The following ADRA1A variants were observed in gnomAD, a reference collection of about 807,000 sequenced individuals.
ADRA1A encodes the protein adrenoceptor alpha 1A.
A neutral mutation model predicts 29.6 loss-of-function variants in ADRA1A; 31 were observed. The observed-to-expected ratio is 1.05, with a 90% CI of 0.79 to 1.41. The LOEUF (loss-of-function observed/expected upper bound fraction) is 1.41. Among genes scored for constraint, ADRA1A ranks in the 40% most tolerant of loss-of-function variants. The pLI, the probability that ADRA1A is intolerant of heterozygous loss-of-function variation, is 0.00. For missense variants in ADRA1A, 619 were observed against 601.1 expected (o/e 1.03, Z -0.31); for synonymous variants, 311 against 254.3 (o/e 1.22, Z -2.12).
chr8:26,816,640 C>G (rs536482892), intron 2 of ADRA1A, among the ~76,000 whole-genome samples: 4 of 152,174 alleles, frequency 2.6e-5, no homozygotes, highest in Admixed American at 2.6e-4. Context: ...GGCACCCAGA[C>G]CAGAGCACCT....
At chr8:26,847,577 C>T (rs933981102) in intron 2 of ADRA1A, among the ~76,000 whole-genome samples, 3 of 152,144 alleles carry the variant, frequency 2.0e-5, no homozygotes, top group Admixed American at 1.3e-4. Context: ...TCACTGGCAA[C>T]GAATGCCCTG....
At chr8:26,856,837 G>T (rs1187183267) in intron 2 of ADRA1A, among the ~76,000 whole-genome samples, 1 of 152,210 alleles carries the variant, frequency 6.6e-6, no homozygotes, top group Non-Finnish European at 1.5e-5. Context: ...TTAGAAGCCT[G>T]CAGGGAGGCA....
At chr8:26,812,828 C>A (rs1809498526) in intron 2 of ADRA1A, among the ~76,000 whole-genome samples, 1 of 151,514 alleles carries the variant, frequency 6.6e-6, no homozygotes, top group Admixed American at 6.6e-5. Context: ...CCACGCCAGG[C>A]TAATTTTTCT....
At position 26,823,154 on chromosome 8, in the gene ADRA1A, A is replaced by G. The variant is rs1164384822; in HGVS notation, c.883+40933T>C. Among the ~76,000 whole-genome samples the G allele has an allele frequency of 6.6e-6, 1 of 152,220 alleles. No homozygotes were observed. Among genetic ancestry groups the G allele is most frequent in the Admixed American group, 6.5e-5 (1 of 15,282 alleles). On this transcript the variant is annotated intron_variant, in intron 2 of 2. Transcript: ENST00000380573. The surrounding 1 kb of genome is among the most constrained non-coding windows in gnomAD (Gnocchi z 4.2). ...CATTAACAGAAGAACAAACACCAGCAAGAAATGAACAAAAAATGGGGGAGG... is the reference window on the plus strand; with the variant it reads ...CATTAACAGAAGAACAAACACCAGCGAGAAATGAACAAAAAATGGGGGAGG...
At chr8:26,838,788 C>T (rs1223291085) in intron 2 of ADRA1A, among the ~76,000 whole-genome samples, 1 of 152,172 alleles carries the variant, frequency 6.6e-6, no homozygotes, top group Admixed American at 6.5e-5. Context: ...TAGCTTTGGC[C>T]TTAGATGTGG....
At chr8:26,837,043 G>A (rs567108125) in intron 2 of ADRA1A, among the ~76,000 whole-genome samples, 22 of 152,122 alleles carry the variant, frequency 1.4e-4, no homozygotes, top group African/African-American at 5.3e-4. Context: ...TGGGTAATGG[G>A]CCCTCACCTC....
intron 2 of ADRA1A, among the ~76,000 whole-genome samples, chr8:26,780,982 T>C (rs991244724): frequency 6.6e-6 from 1 of 152,188 alleles, no homozygotes; most frequent in Non-Finnish European, 1.5e-5. Context: ...AATTATTTCA[T>C]TATATATTAC....
chr8:26,757,859 G>GCGCGCACACA (rs1805276135), intron 2 of ADRA1A, among the ~76,000 whole-genome samples: 1 of 151,294 alleles, frequency 6.6e-6, no homozygotes, highest in South Asian at 2.1e-4. Context: ...ATAAGCACAC[G>GCGCGCACACA]CACACACACA....
rs191148604 is a variant in ADRA1A at position 26,859,080 on chromosome 8, A to T, written c.883+5007T>A. The T allele has an allele frequency of 3.8e-3, 4,824 of 1,284,128 alleles. 17 individuals are homozygous for T. Among genetic ancestry groups the T allele is most frequent in the Non-Finnish European group, 4.4e-3 (4,352 of 987,348 alleles). 79.5% of individuals were successfully genotyped at this position (1,284,128 alleles called of 1,614,324 possible). ...ATTAAACATGGGTGTTTCACTTCTCAGCTGTGGATAGCACACTCATCCCTG... is the reference window on the plus strand; with the variant it reads ...ATTAAACATGGGTGTTTCACTTCTCTGCTGTGGATAGCACACTCATCCCTG... On this transcript the variant is annotated intron_variant, in intron 2 of 2. Coordinates refer to ENST00000380573, the MANE Select transcript of ADRA1A (RefSeq NM_000680.4).
intron 2 of ADRA1A, among the ~76,000 whole-genome samples, chr8:26,760,122 G>T (rs141981181): frequency 2.0e-5 from 3 of 152,346 alleles, no homozygotes; most frequent in South Asian, 4.1e-4. Context: ...TCCAAATGAG[G>T]ATAAATGCTC....
intron 2 of ADRA1A, among the ~76,000 whole-genome samples, chr8:26,826,573 C>T (rs536159038): frequency 6.6e-5 from 10 of 152,282 alleles, no homozygotes; most frequent in South Asian, 2.1e-4. Flanking sequence ...TCCATGAGGC[C>T]TTAAAACTCT....
chr8:26,837,097 A>G (rs1210199355), intron 2 of ADRA1A, among the ~76,000 whole-genome samples: 1 of 152,148 alleles, frequency 6.6e-6, no homozygotes, highest in Non-Finnish European at 1.5e-5. Context: ...AGGTAGATAT[A>G]CAATGGCTAG....
chr8:26,763,990 TC>T (rs1381140003), downstream of ADRA1A, among the ~76,000 whole-genome samples: 1 of 152,144 alleles, frequency 6.6e-6, no homozygotes, highest in Non-Finnish European at 1.5e-5. The surrounding 1 kb of genome is among the most constrained non-coding windows in gnomAD (Gnocchi z 4.5). Flanking sequence ...ATCCTCCCCC[TC>T]CCCCATTTAT....
intron 2 of ADRA1A, among the ~76,000 whole-genome samples, chr8:26,772,547 T>G (rs1168701704): frequency 6.6e-6 from 1 of 152,228 alleles, no homozygotes; most frequent in African/African-American, 2.4e-5. Flanking sequence ...AAAAGGAGTA[T>G]GTTGAATGGA....
chr8:26,864,136 G>T lies in ADRA1A; in HGVS notation c.834C>A (p.Val278=), dbSNP rs1484583840. Residue 278 remains valine (V), a synonymous_variant, in exon 2 of 3, where the codon GTC becomes GTA. Transcript: ENST00000380573. This position sits in a 1 kb window ranked among gnomAD's most constrained non-coding sequence, Gnocchi z 8.1. ...GCAGCCAGCAGAGGACGAAGCAGCC[G>T]ACCACGATGCCCAGCGTTTTGGCCG... ...KKAAKTLGIV[V]GCFVLCWLPF... is the part of the protein sequence containing the mutation. 4 of 1,614,112 alleles carry T rather than the reference G, an allele frequency of 2.5e-6. No homozygotes were observed. Among genetic ancestry groups the T allele is most frequent in the South Asian group, 1.1e-5 (1 of 91,062 alleles).
At chr8:26,845,372 A>C (rs920762592) in intron 2 of ADRA1A, among the ~76,000 whole-genome samples, 3 of 152,242 alleles carry the variant, frequency 2.0e-5, no homozygotes, top group Non-Finnish European at 4.4e-5. Context: ...GGAAATGCAA[A>C]GCAACATCAC....
intron 2 of ADRA1A, among the ~76,000 whole-genome samples, chr8:26,813,153 G>C (rs971199088): frequency 6.6e-6 from 1 of 152,198 alleles, no homozygotes; most frequent in East Asian, 1.9e-4. Flanking sequence ...CTAGGGAAAA[G>C]TTTTTCAGTT....
intron 2 of ADRA1A, among the ~76,000 whole-genome samples, chr8:26,771,417 ATT>A (rs75019411): frequency 6.6e-6 from 1 of 151,728 alleles, no homozygotes; most frequent in Non-Finnish European, 1.5e-5. Context: ...GTCATTGATC[ATT>A]TTTTTTGTCC....
chr8:26,770,692 C>G (rs753404843), intron 2 of ADRA1A, 26 bp from the exon 3 acceptor site: 3 of 1,565,046 alleles, frequency 1.9e-6, no homozygotes, highest in Non-Finnish European at 2.6e-6. Flanking sequence ...CAGATTTATA[C>G]ATATTATTTG....
Sources: allele counts gnomAD v4.1 joint callset (sites outside exome capture counted in the v4.1 genomes callset), GRCh38; gene constraint gnomAD v4.1.1; non-coding constraint Gnocchi (gnomAD v3.1); transcripts MANE v1.5; gene names NCBI Gene and HGNC (gene_info 2026-07-23, HGNC 2026-07-21).